The following PCDHA13 variants were observed in gnomAD, a reference collection of about 807,000 sequenced individuals.
PCDHA13 encodes protocadherin alpha 13.
PCDHA13 carries 54 observed loss-of-function variants against 64.8 expected under a neutral mutation model. That is an observed-to-expected ratio of 0.83 (90% CI 0.67 to 1.04). PCDHA13 has a LOEUF of 1.04. Ranked by LOEUF, PCDHA13 falls within the 50% of genes least tolerant of loss-of-function variation. PCDHA13 has a pLI of 0.00. For synonymous variants in PCDHA13, 587 were observed against 564.4 expected (o/e 1.04, Z -0.57); for missense variants, 1,248 against 1,254.3 (o/e 0.99, Z 0.08).
chr5:140,994,102 A>G (rs2097596379), intron 3 of PCDHA13, among the ~76,000 whole-genome samples: 1 of 152,194 alleles, frequency 6.6e-6, no homozygotes, highest in African/African-American at 2.4e-5. Context: ...TGATGGAAAT[A>G]TTACATTGTC....
chr5:140,910,791 G>A (rs1471299729), intron 1 of PCDHA13, among the ~76,000 whole-genome samples: 2 of 152,140 alleles, frequency 1.3e-5, no homozygotes, highest in Non-Finnish European at 2.9e-5. Context: ...ATTAAATGCA[G>A]AATCCCTGCT....
chr5:140,906,661 A>C (rs1237437986), intron 1 of PCDHA13, among the ~76,000 whole-genome samples: 1 of 152,176 alleles, frequency 6.6e-6, no homozygotes, highest in African/African-American at 2.4e-5. Flanking sequence ...TTCCTGGTGT[A>C]GTGACCCAAA....
In PCDHA13 at chr5:141,009,947, A is replaced by G; in HGVS notation, c.*10A>G. On this transcript the variant is annotated 3_prime_UTR_variant, in exon 4 of 4. Coordinates refer to ENST00000289272, the MANE Select transcript of PCDHA13 (RefSeq NM_018904.3). ...CAACAGTGACCAGTGAGGTCCTCAAATGGAAACAAGCCACTTAGCCAGTTT... is the reference window on the plus strand; with the variant it reads ...CAACAGTGACCAGTGAGGTCCTCAAGTGGAAACAAGCCACTTAGCCAGTTT... The G allele has an allele frequency of 1.9e-6, 3 of 1,596,272 alleles. No individual in the cohort carries two copies. The South Asian group carries it at 3.4e-5, about 18-fold the overall frequency.
At chr5:140,904,125 C>G (rs2070849198) in intron 1 of PCDHA13, among the ~76,000 whole-genome samples, 1 of 151,972 alleles carries the variant, frequency 6.6e-6, no homozygotes, top group East Asian at 1.9e-4. Flanking sequence ...TTTTGGTGCA[C>G]CCATCACCCG....
chr5:141,002,141 A>G (rs1554258528), intron 3 of PCDHA13, among the ~76,000 whole-genome samples: 3 of 152,258 alleles, frequency 2.0e-5, no homozygotes, highest in Admixed American at 6.5e-5. Context: ...TGCCGGCTGC[A>G]CTGACTTAGC....
At chr5:140,942,907 C>T (rs990206907) in intron 1 of PCDHA13, among the ~76,000 whole-genome samples, 14 of 151,044 alleles carry the variant, frequency 9.3e-5, no homozygotes, top group Non-Finnish European at 1.6e-4. Flanking sequence ...TAAGAATAAG[C>T]GTGAAGAAAA....
intron 1 of PCDHA13, among the ~76,000 whole-genome samples, chr5:140,906,797 A>G (rs2072940556): frequency 6.6e-6 from 1 of 151,964 alleles, no homozygotes; most frequent in African/African-American, 2.4e-5. Context: ...TTCCATGCAT[A>G]CTCTTCCTTA....
chr5:140,921,228 T>G (rs1401455945), intron 1 of PCDHA13, among the ~76,000 whole-genome samples: 11 of 152,154 alleles, frequency 7.2e-5, no homozygotes, highest in African/African-American at 2.7e-4. Context: ...TTTTGCTAGA[T>G]GATATTAAGC....
At chr5:140,966,679 G>A (rs1554228549) in intron 1 of PCDHA13, 1 of 1,317,562 alleles carries the variant, frequency 7.6e-7, no homozygotes, top group Non-Finnish European at 9.8e-7. Flanking sequence ...AGGGTGGCAC[G>A]AGCGGAGGCG....
At position 140,967,719 on chromosome 5, in the gene PCDHA13, G is replaced by A. The variant is rs1422649398; in HGVS notation, c.2395-11230G>A. On this transcript the variant is annotated intron_variant, in intron 1 of 3. Coordinates refer to ENST00000289272, the MANE Select transcript of PCDHA13 (RefSeq NM_018904.3). ...ATAGATGCCAGTACCGGGGAAGTGC[G>A]AGTAATTGGGGGGCTGGATTATGAG... 3 of 1,614,052 alleles carry A rather than the reference G, an allele frequency of 1.9e-6. No individual in the cohort carries two copies. In the African/African-American group the frequency reaches 4.0e-5, roughly 22 times the overall value.
intron 1 of PCDHA13, among the ~76,000 whole-genome samples, chr5:140,913,086 A>G (rs937964424): frequency 6.6e-6 from 1 of 152,142 alleles, no homozygotes; most frequent in Admixed American, 6.6e-5. Flanking sequence ...TGGTATCAGG[A>G]TAATACTGGC....
chr5:140,914,302 A>G (rs1168032612), intron 1 of PCDHA13, among the ~76,000 whole-genome samples: 4 of 152,144 alleles, frequency 2.6e-5, no homozygotes, highest in African/African-American at 9.7e-5. Context: ...CTCTTGCTGA[A>G]TTGACCCCAT....
intron 3 of PCDHA13, among the ~76,000 whole-genome samples, chr5:140,986,222 G>A (rs1554247822): frequency 1.3e-5 from 2 of 152,164 alleles, no homozygotes; most frequent in African/African-American, 4.8e-5. Flanking sequence ...CCTTTCTCTA[G>A]CCTCCCCTCT....
In PCDHA13 at chr5:140,882,538, C is replaced by T. The variant is rs782086663; in HGVS notation, c.270C>T (p.Ile90=). 1.2e-6 allele frequency: 2 copies of T among 1,614,170 alleles called. No individual in the cohort carries two copies. The highest frequency in any genetic ancestry group is 1.7e-6 in the Non-Finnish European group (2 of 1,180,042). The change falls in exon 1 of 4, where the codon ATC becomes ATT. Residue 90 remains isoleucine, a synonymous_variant. Transcript: ENST00000289272. ...GCATTTTGTTTGTGAATTCTCGGAT[C>T]GACCGCGAGGAGCTGTGTGGGCGGA... ...QNGILFVNSR[I]DREELCGRSA...
chr5:141,004,414 C>A (rs2153980954), intron 3 of PCDHA13, among the ~76,000 whole-genome samples: 1 of 152,330 alleles, frequency 6.6e-6, no homozygotes, highest in Non-Finnish European at 1.5e-5. Context: ...CTGACTAGAT[C>A]TCTGCCTCCT....
At chr5:140,925,513 A>G (rs2082534793) in intron 1 of PCDHA13, among the ~76,000 whole-genome samples, 1 of 152,104 alleles carries the variant, frequency 6.6e-6, no homozygotes, top group South Asian at 2.1e-4. Flanking sequence ...CACGCAAAAG[A>G]CCAAATTAAA....
rs2059167404 is a variant in PCDHA13 at position 140,882,520 on chromosome 5, G to C, written c.252G>C (p.Leu84Phe). ...LLEVNLQNGI[L>F]FVNSRIDREE... ...AGGTAAATCTGCAGAATGGCATTTT[G>C]TTTGTGAATTCTCGGATCGACCGCG... The change falls in exon 1 of 4, where the codon TTG becomes TTC. Residue 84 changes from leucine to phenylalanine, a missense_variant. By Grantham distance (22) the Leu-to-Phe change is conservative. Transcript: ENST00000289272. 6.2e-7 allele frequency: 1 copy of C among 1,614,218 alleles called. No individual in the cohort carries two copies. Among genetic ancestry groups the C allele is most frequent in the Admixed American group, 1.7e-5 (1 of 60,034 alleles).
intron 3 of PCDHA13, among the ~76,000 whole-genome samples, chr5:141,000,038 C>T (rs1554257087): frequency 3.3e-5 from 5 of 152,092 alleles, no homozygotes; most frequent in Non-Finnish European, 5.9e-5. Flanking sequence ...TCCAATCACA[C>T]ACACACCACT....
chr5:140,932,021 GT>G (rs1387709791), intron 1 of PCDHA13, among the ~76,000 whole-genome samples: 11 of 151,964 alleles, frequency 7.2e-5, no homozygotes, highest in African/African-American at 2.6e-4. Flanking sequence ...TTTACGGTAA[GT>G]TTACAGTATA....
Sources: gnomAD v4.1 joint callset for allele counts (sites outside exome capture counted in the v4.1 genomes callset) on GRCh38, gnomAD v4.1.1 for gene constraint, MANE v1.5 for transcripts, NCBI Gene and HGNC (gene_info 2026-07-23, HGNC 2026-07-21) for gene names.